Variants in TMEM65 observed in about 807,000 individuals in gnomAD.
TMEM65 encodes the protein transmembrane protein 65.
A neutral mutation model predicts 25.4 loss-of-function variants in TMEM65; 22 were observed. The observed-to-expected ratio is 0.86, with a 90% CI of 0.62 to 1.23. TMEM65 has a LOEUF of 1.23. Among genes scored for constraint, TMEM65 ranks in the 50% most tolerant of loss-of-function variants. The pLI, the probability that TMEM65 is intolerant of heterozygous loss-of-function variation, is 0.00. For missense variants in TMEM65, 262 were observed against 308.2 expected (o/e 0.85, Z 1.12); for synonymous variants, 132 against 126.2 (o/e 1.05, Z -0.31).
intron 6 of TMEM65, among the ~76,000 whole-genome samples, chr8:124,319,028 G>C (rs896246565): frequency 6.6e-6 from 1 of 152,028 alleles, no homozygotes; most frequent in African/African-American, 2.4e-5. Flanking sequence ...TTGAATGTAA[G>C]ATCTATCAGA....
In TMEM65 at chr8:124,312,643, AG is replaced by A. The variant is rs570029361; in HGVS notation, c.*1316del. The stretch of plus-strand genomic sequence containing the variant: ...TGTGTAACAGACCACATGCTAAAAA[AG>A]TTTAAGGGTTCAGAAAACTAAAATT... On this transcript the variant is annotated 3_prime_UTR_variant, in exon 7 of 7. Transcript: ENST00000297632. 8.6e-4 allele frequency: 131 copies of A among 152,102 alleles called. No homozygotes were observed. The highest frequency in any genetic ancestry group is 3.1e-3 in the African/African-American group (127 of 41,552). 9.4% of individuals were successfully genotyped at this position (152,102 alleles called of 1,614,324 possible). A position where few individuals can be genotyped will look rare whatever the true frequency, so the allele number is the denominator to read the frequency against.
chr8:124,313,901 A>G lies in TMEM65; in HGVS notation c.*59T>C, dbSNP rs1402585230. ...TGTCTTAATTCCTAAATGTTGTGAC[A>G]GCATATTTAATTACTGAGGTACATT... On this transcript the variant is annotated 3_prime_UTR_variant, in exon 7 of 7. Coordinates refer to ENST00000297632, the MANE Select transcript of TMEM65 (RefSeq NM_194291.3). 1 of 1,134,536 alleles carries G rather than the reference A, an allele frequency of 8.8e-7. No individual in the cohort carries two copies. Among genetic ancestry groups the G allele is most frequent in the African/African-American group, 1.6e-5 (1 of 64,076 alleles). The allele number at this position is 1,134,536 out of a possible 1,614,324, so 70.3% of individuals were successfully genotyped here. A position where few individuals can be genotyped will look rare whatever the true frequency, so the allele number is the denominator to read the frequency against.
intron 1 of TMEM65, among the ~76,000 whole-genome samples, chr8:124,333,016 G>C (rs778500228): frequency 2.1e-4 from 32 of 151,888 alleles, no homozygotes; most frequent in Non-Finnish European, 3.5e-4. Context: ...TGTTGGCCAG[G>C]CTGGTCTCGA....
At chr8:124,354,025 G>A (rs1350475174) in intron 1 of TMEM65, among the ~76,000 whole-genome samples, 1 of 152,016 alleles carries the variant, frequency 6.6e-6, no homozygotes, top group Non-Finnish European at 1.5e-5. Flanking sequence ...GGATGAAAAA[G>A]AATATAACAT....
intron 1 of TMEM65, among the ~76,000 whole-genome samples, chr8:124,353,855 G>T (rs1332718341): frequency 6.6e-6 from 1 of 151,968 alleles, no homozygotes; most frequent in Non-Finnish European, 1.5e-5. Context: ...AAAATGAATG[G>T]GATATTTCAT....
In TMEM65 at chr8:124,314,031, T is replaced by A; in HGVS notation, c.652A>T (p.Ile218Phe). The A allele has an allele frequency of 6.2e-7, 1 of 1,613,648 alleles. No homozygotes were observed. ...AAAATTAAAGGAAACATTCCTAGAATGCAGCCAATAGTCACCCCAACAGCT... is the reference window on the plus strand; with the variant it reads ...AAAATTAAAGGAAACATTCCTAGAAAGCAGCCAATAGTCACCCCAACAGCT... Reference protein sequence around the residue: ...GKAVGVTIGCILGMFPLIFFG... With the variant: ...GKAVGVTIGCFLGMFPLIFFG... The change falls in exon 7 of 7, where the codon ATT becomes TTT. Residue 218 changes from isoleucine to phenylalanine, a missense_variant. Transcript: ENST00000297632.
At position 124,327,340 on chromosome 8, in the gene TMEM65, G is replaced by A. The variant is rs764584102; in HGVS notation, c.417+14C>T. On this transcript the variant is annotated intron_variant, in intron 3 of 6. Transcript: ENST00000297632. Reference sequence around the variant, plus strand: ...TATGAACTCAAAATAGAAGCAGTGAGAGAAAGAACTTACAGCAACAATCAT... The same window carrying A: ...TATGAACTCAAAATAGAAGCAGTGAAAGAAAGAACTTACAGCAACAATCAT... The A allele has an allele frequency of 6.3e-7, 1 of 1,575,800 alleles. No homozygotes were observed. Among genetic ancestry groups the A allele is most frequent in the South Asian group, 1.2e-5 (1 of 86,672 alleles).
chr8:124,331,457 A>G (rs1288054311), intron 1 of TMEM65, among the ~76,000 whole-genome samples: 1 of 150,122 alleles, frequency 6.7e-6, no homozygotes, highest in East Asian at 1.9e-4. Flanking sequence ...GAACCTATAC[A>G]CTGGATAATA....
rs1390824142 is a variant in TMEM65, at chr8:124,313,185, AAT to A, written c.*773_*774del. 1.3e-5 allele frequency: 2 copies of A among 151,910 alleles called. No homozygotes were observed. The allele number at this position is 151,910 out of a possible 1,614,324, so 9.4% of individuals were successfully genotyped here. A position where few individuals can be genotyped will look rare whatever the true frequency, so the allele number is the denominator to read the frequency against. On this transcript the variant is annotated 3_prime_UTR_variant, in exon 7 of 7. Coordinates refer to ENST00000297632, the MANE Select transcript of TMEM65 (RefSeq NM_194291.3). ...ACAATCCCCATTTCAAAGACTCTAA[AAT>A]AATCATTTGCTTCCCCTCAAAAGTC...
At chr8:124,362,220 A>G (rs2131228315) in intron 1 of TMEM65, among the ~76,000 whole-genome samples, 1 of 152,280 alleles carries the variant, frequency 6.6e-6, no homozygotes, top group Non-Finnish European at 1.5e-5. Flanking sequence ...GGAAAGTTGT[A>G]AAAAGCATGA....
At chr8:124,323,062 G>A (rs930220260) in intron 4 of TMEM65, among the ~76,000 whole-genome samples, 1 of 152,034 alleles carries the variant, frequency 6.6e-6, no homozygotes, top group African/African-American at 2.4e-5. Context: ...GGGTAACACT[G>A]AATTGCCAGA....
intron 1 of TMEM65, among the ~76,000 whole-genome samples, chr8:124,331,947 A>G (rs1295863255): frequency 6.6e-6 from 1 of 152,148 alleles, no homozygotes; most frequent in African/African-American, 2.4e-5. Context: ...TCCAAGTTCC[A>G]TAATGGCTTT....
chr8:124,357,658 G>C (rs1443294850), intron 1 of TMEM65, among the ~76,000 whole-genome samples: 2 of 152,074 alleles, frequency 1.3e-5, no homozygotes, highest in South Asian at 2.1e-4. Context: ...TATGTTACCA[G>C]TACATCCAGT....
chr8:124,339,731 T>C (rs1406255580), intron 1 of TMEM65, among the ~76,000 whole-genome samples: 6 of 152,038 alleles, frequency 3.9e-5, no homozygotes, highest in Middle Eastern at 3.4e-3. Context: ...TTGGATCCAG[T>C]TGGAGGACTC....
At chr8:124,361,207 G>A (rs1399213492) in intron 1 of TMEM65, among the ~76,000 whole-genome samples, 1 of 151,216 alleles carries the variant, frequency 6.6e-6, no homozygotes, top group Admixed American at 6.6e-5. Context: ...GCCGAGGCGG[G>A]TAGGTCACTC....
chr8:124,317,305 T>C (rs16899539), intron 6 of TMEM65, among the ~76,000 whole-genome samples: 2,399 of 152,234 alleles, frequency 0.016, 70 homozygotes, highest in African/African-American at 0.053. Context: ...CATCAGTCCA[T>C]AGAAATTGCT....
At chr8:124,341,120 T>G (rs2131212893) in intron 1 of TMEM65, among the ~76,000 whole-genome samples, 1 of 152,040 alleles carries the variant, frequency 6.6e-6, no homozygotes, top group East Asian at 1.9e-4. Flanking sequence ...AGAGAAATAA[T>G]TTTATATAAA....
chr8:124,310,351 A>G lies in TMEM65; in HGVS notation c.*3609T>C, dbSNP rs1408799430. 2 of 152,158 alleles carry G rather than the reference A, an allele frequency of 1.3e-5. No individual in the cohort carries two copies. The highest frequency in any genetic ancestry group is 2.9e-5 in the Non-Finnish European group (2 of 68,040). The allele number at this position is 152,158 out of a possible 1,614,324, so 9.4% of individuals were successfully genotyped here. On this transcript the variant is annotated 3_prime_UTR_variant, in exon 7 of 7. Transcript: ENST00000297632. The stretch of plus-strand genomic sequence containing the variant: ...TAAGCACAATATTCTTAAATTATAG[A>G]TAAGAAAATGACTCCATGAATCTGG...
chr8:124,345,868 A>G (rs1014109378), intron 1 of TMEM65, among the ~76,000 whole-genome samples: 7 of 151,994 alleles, frequency 4.6e-5, no homozygotes, highest in African/African-American at 1.7e-4. Flanking sequence ...CTCAGCCTCC[A>G]GAGTAGCTGG....
Sources: allele counts gnomAD v4.1 joint callset (sites outside exome capture counted in the v4.1 genomes callset), GRCh38; gene constraint gnomAD v4.1.1; transcripts MANE v1.5; gene names NCBI Gene and HGNC (gene_info 2026-07-23, HGNC 2026-07-21).